Variants in ERCC6L2 observed in about 807,000 individuals in gnomAD.
ERCC6L2 encodes the protein ERCC excision repair 6 like 2.
ERCC6L2 carries 77 observed loss-of-function variants against 132.0 expected under a neutral mutation model. The observed-to-expected ratio is 0.58, with a 90% CI of 0.49 to 0.71. ERCC6L2 has a LOEUF of 0.71. ERCC6L2 is among the 30% of genes least tolerant of loss of function. The pLI, the probability that ERCC6L2 is intolerant of heterozygous loss-of-function variation, is 0.00. For missense variants in ERCC6L2, 1,542 were observed against 1,837.6 expected (o/e 0.84, Z 2.94); for synonymous variants, 583 against 632.4 (o/e 0.92, Z 1.17).
intron 4 of ERCC6L2, among the ~76,000 whole-genome samples, chr9:95,907,535 A>T (rs1317136820): frequency 6.6e-6 from 1 of 151,950 alleles, no homozygotes; most frequent in African/African-American, 2.4e-5. Flanking sequence ...AGGAATAATG[A>T]TGATTCCTTT....
In ERCC6L2 at chr9:95,922,370, A is replaced by G. The variant is rs909226630; in HGVS notation, c.1365A>G (p.Val455=). 16 of 1,613,700 alleles carry G rather than the reference A, an allele frequency of 9.9e-6. No homozygotes were observed. The highest frequency in any genetic ancestry group is 1.4e-5 in the Non-Finnish European group (16 of 1,179,706). The part of the protein sequence containing the change: ...YLSYLTVLQK[V]ANHVALLQAA... ...GTTACCTTACAGTCCTTCAGAAGGT[A>G]GCTAACCATGTCGCGCTACTGCAAG... The change falls in exon 8 of 19, where the codon GTA becomes GTG. Residue 455 remains valine (V), a synonymous_variant. Transcript: ENST00000653738.
intron 15 of ERCC6L2, among the ~76,000 whole-genome samples, chr9:95,971,156 G>T (rs1399938944): frequency 6.6e-6 from 1 of 151,970 alleles, no homozygotes; most frequent in Non-Finnish European, 1.5e-5. Flanking sequence ...TGTGTGGAAG[G>T]TTTTTTTGTT....
At position 95,875,922 on chromosome 9, in the gene ERCC6L2, C is replaced by T. The variant is rs112412135; in HGVS notation, c.-117C>T. On this transcript the variant is annotated 5_prime_UTR_variant, in exon 1 of 19. Transcript: ENST00000653738. The stretch of plus-strand genomic sequence containing the variant: ...CTTCGGGTTGCCGAAGAGCGATGCT[C>T]GGAGGGCGGCCGGAAGTGGCGTTGG... The T allele has an allele frequency of 6.2e-6, 7 of 1,132,370 alleles. No individual in the cohort carries two copies. The highest frequency in any genetic ancestry group is 4.6e-5 in the African/African-American group (3 of 65,880). The allele number at this position is 1,132,370 out of a possible 1,614,324, so 70.1% of individuals were successfully genotyped here.
intron 16 of ERCC6L2, 54 bp downstream of exon 16, chr9:95,973,142 AG>A: frequency 8.8e-7 from 1 of 1,131,026 alleles, no homozygotes. Context: ...TTTATCAAAT[AG>A]TTCTGTGAGA....
At chr9:95,998,030 C>T (rs962490113) in intron 17 of ERCC6L2, among the ~76,000 whole-genome samples, 1 of 152,140 alleles carries the variant, frequency 6.6e-6, no homozygotes, top group African/African-American at 2.4e-5. Context: ...CAAGAATATT[C>T]GAAAAGTATA....
chr9:95,977,037 T>A (rs1001917139), intron 16 of ERCC6L2, among the ~76,000 whole-genome samples: 11 of 151,996 alleles, frequency 7.2e-5, no homozygotes, highest in African/African-American at 2.2e-4. Context: ...TTTGAGGAAT[T>A]ATTGCATAAA....
chr9:95,938,431 G>T (rs1830654816), intron 11 of ERCC6L2, among the ~76,000 whole-genome samples: 1 of 152,056 alleles, frequency 6.6e-6, no homozygotes, highest in Non-Finnish European at 1.5e-5. Flanking sequence ...GTTGCTGAAT[G>T]TGGGATATTG....
At chr9:95,938,346 T>A (rs1230739959) in intron 11 of ERCC6L2, among the ~76,000 whole-genome samples, 13 of 151,940 alleles carry the variant, frequency 8.6e-5, no homozygotes, top group Admixed American at 8.5e-4. Context: ...CTAGGTGGAG[T>A]GTTCTGCGTA....
intron 12 of ERCC6L2, among the ~76,000 whole-genome samples, chr9:95,952,954 G>A (rs976719208): frequency 2.0e-5 from 3 of 152,132 alleles, no homozygotes; most frequent in South Asian, 2.1e-4. Context: ...TATCAGCTAC[G>A]AAGAATGGAT....
At chr9:95,917,956 C>T (rs1829678185) in intron 6 of ERCC6L2, among the ~76,000 whole-genome samples, 1 of 152,106 alleles carries the variant, frequency 6.6e-6, no homozygotes, top group South Asian at 2.1e-4. Flanking sequence ...TGACCACCAA[C>T]TTCTATATTC....
intron 17 of ERCC6L2, among the ~76,000 whole-genome samples, chr9:95,983,301 C>T (rs1233183855): frequency 1.3e-5 from 2 of 152,132 alleles, no homozygotes; most frequent in Non-Finnish European, 2.9e-5. Flanking sequence ...TAAAAATGGA[C>T]TGGGAATGAC....
chr9:95,921,033 C>G, intron 6 of ERCC6L2, 142 bp from the exon 7 acceptor site: 2 of 708,774 alleles, frequency 2.8e-6, no homozygotes, highest in Non-Finnish European at 4.3e-6. Context: ...CCTTGGCTTC[C>G]CAAAGTATTG....
intron 15 of ERCC6L2, among the ~76,000 whole-genome samples, chr9:95,971,048 A>G (rs1435081148): frequency 6.6e-6 from 1 of 152,188 alleles, no homozygotes; most frequent in East Asian, 1.9e-4. Context: ...GAAAGTAGAT[A>G]TTTGATTCCT....
At chr9:95,951,890 C>A (rs1235446105) in intron 12 of ERCC6L2, among the ~76,000 whole-genome samples, 1 of 152,056 alleles carries the variant, frequency 6.6e-6, no homozygotes, top group Non-Finnish European at 1.5e-5. Context: ...ACCAATCCAG[C>A]CAGGCACGGT....
At chr9:96,021,039 C>T (rs1041276735), downstream of ERCC6L2, 22 of 454,602 alleles carry the variant, frequency 4.8e-5, no homozygotes, top group Admixed American at 5.2e-4. The surrounding 1 kb of genome is among the most constrained non-coding windows in gnomAD (Gnocchi z 4.7). Flanking sequence ...AGCGCCGCCG[C>T]GGCGAACCCA....
At chr9:95,913,549 G>A (rs571164717) in intron 4 of ERCC6L2, among the ~76,000 whole-genome samples, 6 of 152,174 alleles carry the variant, frequency 3.9e-5, no homozygotes, top group South Asian at 2.1e-4. Context: ...GACATAAAAC[G>A]TACCCTTGTA....
chr9:95,891,505 A>G (rs990973579), intron 2 of ERCC6L2, among the ~76,000 whole-genome samples: 2 of 151,628 alleles, frequency 1.3e-5, no homozygotes, highest in Non-Finnish European at 2.9e-5. Flanking sequence ...ATTATGAATA[A>G]TGCTTCTGTG....
Position 95,972,028 on chromosome 9 carries a change from T to C in ERCC6L2, c.2277T>C (p.Asp759=). 1.5e-6 allele frequency: 2 copies of C among 1,304,206 alleles called. No individual in the cohort carries two copies. The highest frequency in any genetic ancestry group is 2.0e-6 in the Non-Finnish European group (2 of 988,956). The allele number at this position is 1,304,206 out of a possible 1,614,324, so 80.8% of individuals were successfully genotyped here. A position where few individuals can be genotyped will look rare whatever the true frequency, so the allele number is the denominator to read the frequency against. The change falls in exon 16 of 19, where the codon GAT becomes GAC. Residue 759 remains aspartate, a synonymous_variant. Coordinates refer to ENST00000653738, the MANE Select transcript of ERCC6L2 (RefSeq NM_020207.7). ...EACDLCSDFS[D]EEPVGATGIK... Reference sequence around the variant, plus strand: ...GTGATCTCTGCAGTGACTTCAGTGATGAAGAGCCAGTGGGAGCCACAGGAA... The same window carrying C: ...GTGATCTCTGCAGTGACTTCAGTGACGAAGAGCCAGTGGGAGCCACAGGAA...
intron 8 of ERCC6L2, 138 bp downstream of exon 8, chr9:95,922,556 C>T: frequency 1.7e-6 from 1 of 603,002 alleles, no homozygotes; most frequent in Non-Finnish European, 2.9e-6. Flanking sequence ...ATGTAGATAT[C>T]AAGGAGTATG....
Sources: allele counts gnomAD v4.1 joint callset (sites outside exome capture counted in the v4.1 genomes callset), GRCh38; gene constraint gnomAD v4.1.1; non-coding constraint Gnocchi (gnomAD v3.1); transcripts MANE v1.5; gene names NCBI Gene and HGNC (gene_info 2026-07-23, HGNC 2026-07-21).